Variants in GORAB observed in about 807,000 individuals in gnomAD.
The protein encoded by GORAB is RAB6-interacting golgin.
GORAB carries 17 observed loss-of-function variants against 29.9 expected under a neutral mutation model. The observed-to-expected ratio is 0.57, with a 90% CI of 0.39 to 0.85. GORAB has a LOEUF of 0.85. GORAB is among the 40% of genes least tolerant of loss of function. The pLI, the probability that GORAB is intolerant of heterozygous loss-of-function variation, is 0.00. For missense variants in GORAB, 442 were observed against 437.8 expected (o/e 1.01, Z -0.09); for synonymous variants, 183 against 157.2 (o/e 1.16, Z -1.23).
Position 170,553,810 on chromosome 1 carries a change from C to T in GORAB, c.*1348C>T, listed in dbSNP as rs1435057764. On this transcript the variant is annotated 3_prime_UTR_variant, in exon 5 of 5. Transcript: ENST00000367763. ...TTCATTGTCTAACACACTTCTTTTTCTAAGGAATAAACAAGTCTGATGTAC... is the reference window on the plus strand; with the variant it reads ...TTCATTGTCTAACACACTTCTTTTTTTAAGGAATAAACAAGTCTGATGTAC... The T allele has an allele frequency of 2.0e-5, 9 of 452,644 alleles. No homozygotes were observed. Among genetic ancestry groups the T allele is most frequent in the Non-Finnish European group, 3.5e-5 (8 of 226,474 alleles). The allele number at this position is 452,644 out of a possible 1,614,324, so 28.0% of individuals were successfully genotyped here.
chr1:170,543,453 G>A (rs1649564676), intron 3 of GORAB, among the ~76,000 whole-genome samples: 1 of 152,122 alleles, frequency 6.6e-6, no homozygotes, highest in South Asian at 2.1e-4. Context: ...AAGGTGATGG[G>A]TATAAGAGTA....
In GORAB at chr1:170,552,532, A is replaced by G. The variant is rs774306400; in HGVS notation, c.*70A>G. 19 of 1,227,316 alleles carry G rather than the reference A, an allele frequency of 1.5e-5. 1 individual carries two copies. The allele number at this position is 1,227,316 out of a possible 1,614,324, so 76.0% of individuals were successfully genotyped here. A position where few individuals can be genotyped will look rare whatever the true frequency, so the allele number is the denominator to read the frequency against. On this transcript the variant is annotated 3_prime_UTR_variant, in exon 5 of 5. Coordinates refer to ENST00000367763, the MANE Select transcript of GORAB (RefSeq NM_152281.3). Reference sequence around the variant, plus strand: ...ACTTTTTGCAGTAGATCATGCCCTGACCTCCAATAAAAACCTCTTTAAAAC... The same window carrying G: ...ACTTTTTGCAGTAGATCATGCCCTGGCCTCCAATAAAAACCTCTTTAAAAC...
chr1:170,546,307 G>GT (rs1241028683), intron 4 of GORAB, among the ~76,000 whole-genome samples: 1 of 151,932 alleles, frequency 6.6e-6, no homozygotes, highest in African/African-American at 2.4e-5. Flanking sequence ...GGAGAATGGC[G>GT]TGAACCTGGG....
Position 170,552,195 on chromosome 1 carries a change from G to C in GORAB, c.843G>C (p.Glu281Asp). 2 of 1,614,122 alleles carry C rather than the reference G, an allele frequency of 1.2e-6. No homozygotes were observed. Among genetic ancestry groups the C allele is most frequent in the Non-Finnish European group, 1.7e-6 (2 of 1,179,986 alleles). Residue 281 changes from glutamate (E) to aspartate (D), a missense_variant, in exon 5 of 5, where the codon GAG becomes GAC. Glu to Asp is a conservative substitution (Grantham distance 45). Transcript: ENST00000367763. ...AACTAGATGTAGAAGCCGATGAAGA[G>C]ACTTTGGAGCTTGAGGTGGAGGTCG... is the stretch of plus-strand genomic sequence containing the variant. ...MQQLDVEADE[E>D]TLELEVEVER...
At chr1:170,543,136 T>C (rs2421325) in intron 3 of GORAB, among the ~76,000 whole-genome samples, 142,300 of 152,172 alleles carry the variant, frequency 0.94, 67,240 homozygotes, top group East Asian at 1. Context: ...CTGTGTGAGA[T>C]TCAATTTTTC....
Position 170,539,239 on chromosome 1 carries a change from G to C in GORAB, c.91G>C (p.Ala31Pro). ...DPFEPQRRLP[A>P]KKSRQQLQRE... is the part of the protein sequence containing the mutation. ...ATTTGAACCACAGCGACGTCTCCCCGCGAAGAAAAGTCGACAACAACTTCA... is the reference window on the plus strand; with the variant it reads ...ATTTGAACCACAGCGACGTCTCCCCCCGAAGAAAAGTCGACAACAACTTCA... Residue 31 changes from alanine (A) to proline (P), a missense_variant, in exon 2 of 5, where the codon GCG becomes CCG. By Grantham distance (27) the Ala-to-Pro change is conservative. Coordinates refer to ENST00000367763, the MANE Select transcript of GORAB (RefSeq NM_152281.3). 6.2e-7 allele frequency: 1 copy of C among 1,614,018 alleles called. No individual in the cohort carries two copies. Among genetic ancestry groups the C allele is most frequent in the Non-Finnish European group, 8.5e-7 (1 of 1,179,982 alleles).
chr1:170,537,000 A>G (rs1034132293), intron 1 of GORAB, among the ~76,000 whole-genome samples: 1 of 152,150 alleles, frequency 6.6e-6, no homozygotes, highest in African/African-American at 2.4e-5. Context: ...CTGGTAGCCC[A>G]TTAGCTTAAT....
intron 4 of GORAB, 80 bp downstream of exon 4, chr1:170,544,925 T>C (rs1649665257): frequency 6.4e-7 from 1 of 1,551,986 alleles, no homozygotes; most frequent in South Asian, 1.2e-5. Flanking sequence ...GGCTTTTATG[T>C]ATATCATCAT....
At chr1:170,542,720 C>G in intron 3 of GORAB, 128 bp downstream of exon 3, 1 of 748,270 alleles carries the variant, frequency 1.3e-6, no homozygotes, top group Non-Finnish European at 2.4e-6. Flanking sequence ...TTAAGACTAA[C>G]TAAACAAATT....
chr1:170,552,166 C>G lies in GORAB; in HGVS notation c.814C>G (p.Gln272Glu), dbSNP rs752876119. The G allele has an allele frequency of 1.1e-5, 18 of 1,613,912 alleles. No individual in the cohort carries two copies. Among genetic ancestry groups the G allele is most frequent in the African/African-American group, 2.7e-5 (2 of 74,896 alleles). The change falls in exon 5 of 5, where the codon CAA becomes GAA. Residue 272 changes from glutamine to glutamate, a missense_variant. Transcript: ENST00000367763. ...GGCCAAGAAGTTGGAGGAGTTGATG[C>G]AACAACTAGATGTAGAAGCCGATGA... ...RKAKKLEELM[Q>E]QLDVEADEET... is the part of the protein sequence containing the mutation.
At chr1:170,541,651 C>A (rs1359111601) in intron 2 of GORAB, among the ~76,000 whole-genome samples, 1 of 151,916 alleles carries the variant, frequency 6.6e-6, no homozygotes, top group Non-Finnish European at 1.5e-5. Context: ...TTTGCCAATA[C>A]CTTGTTTAAT....
rs758964726 is a variant in GORAB, at chr1:170,542,529, A to C, written c.458A>C (p.Gln153Pro). ...CGTTGGGAAGTCCTCCAACAAGAAC[A>C]ACGGCTAATGGAAGAGAAAAATAAA... ...KSRWEVLQQE[Q>P]RLMEEKNKRK... Residue 153 changes from glutamine to proline, a missense_variant, in exon 3 of 5, where the codon CAA becomes CCA. By Grantham distance (76) the Gln-to-Pro change is moderately conservative. Transcript: ENST00000367763. 1 of 1,613,882 alleles carries C rather than the reference A, an allele frequency of 6.2e-7. No individual in the cohort carries two copies. The highest frequency in any genetic ancestry group is 8.5e-7 in the Non-Finnish European group (1 of 1,179,824).
chr1:170,545,828 T>G (rs1207212272), intron 4 of GORAB: 2 of 723,196 alleles, frequency 2.8e-6, no homozygotes, highest in East Asian at 2.6e-4. Context: ...GTAATTGTTG[T>G]TGGACCATAT....
In GORAB at chr1:170,553,788, A is replaced by G. The variant is rs1363866453; in HGVS notation, c.*1326A>G. ...GAAATACATAAAAGCCAACAGTTTC[A>G]TTGTCTAACACACTTCTTTTTCTAA... On this transcript the variant is annotated 3_prime_UTR_variant, in exon 5 of 5. Coordinates refer to ENST00000367763, the MANE Select transcript of GORAB (RefSeq NM_152281.3). The G allele has an allele frequency of 4.4e-6, 2 of 453,520 alleles. No homozygotes were observed. The highest frequency in any genetic ancestry group is 2.0e-5 in the African/African-American group (1 of 50,014). 28.1% of individuals were successfully genotyped at this position (453,520 alleles called of 1,614,324 possible). A position where few individuals can be genotyped will look rare whatever the true frequency, so the allele number is the denominator to read the frequency against.
At chr1:170,534,529 C>T (rs74552741) in intron 1 of GORAB, among the ~76,000 whole-genome samples, 2 of 152,218 alleles carry the variant, frequency 1.3e-5, no homozygotes, top group Non-Finnish European at 2.9e-5. Flanking sequence ...TATACAGTCA[C>T]GCACTCAATA....
Position 170,539,397 on chromosome 1 carries a change from T to A in GORAB, c.249T>A (p.Pro83=). ...TTCAAAAACCACCTTTTTCTTCCCC[T>A]ACTCTTCCGAGTCATTTCACTCTCA... is the stretch of plus-strand genomic sequence containing the variant. ...VNVQKPPFSS[P]TLPSHFTLTS... The change falls in exon 2 of 5, where the codon CCT becomes CCA. Residue 83 remains proline, a synonymous_variant. Transcript: ENST00000367763. 1 of 1,614,142 alleles carries A rather than the reference T, an allele frequency of 6.2e-7. No homozygotes were observed. The highest frequency in any genetic ancestry group is 8.5e-7 in the Non-Finnish European group (1 of 1,179,992).
intron 4 of GORAB, 118 bp from the exon 5 acceptor site, chr1:170,551,897 G>A (rs1237061616): frequency 1.6e-5 from 14 of 854,382 alleles, no homozygotes; most frequent in East Asian, 1.5e-4. Context: ...AGTAATATCC[G>A]TATCTTCATT....
At chr1:170,543,072 A>G (rs1212224371) in intron 3 of GORAB, among the ~76,000 whole-genome samples, 1 of 152,188 alleles carries the variant, frequency 6.6e-6, no homozygotes, top group Non-Finnish European at 1.5e-5. Flanking sequence ...CAAGTAGAAG[A>G]TACATGATAT....
At chr1:170,547,770 T>C (rs1440404385) in intron 4 of GORAB, among the ~76,000 whole-genome samples, 1 of 152,104 alleles carries the variant, frequency 6.6e-6, no homozygotes, top group Admixed American at 6.6e-5. Flanking sequence ...GCTGAGAGAG[T>C]ATAGTTACAT....
Sources: allele counts gnomAD v4.1 joint callset (sites outside exome capture counted in the v4.1 genomes callset), GRCh38; gene constraint gnomAD v4.1.1; transcripts MANE v1.5; gene names NCBI Gene and HGNC (gene_info 2026-07-23, HGNC 2026-07-21).